Variants in RYR2 observed in about 807,000 individuals in gnomAD.
RYR2 encodes the protein ryanodine receptor 2.
Under a neutral mutation model 601.1 loss-of-function variants are expected in RYR2, and 227 were observed. That is an observed-to-expected ratio of 0.38 (90% CI 0.34 to 0.42). The LOEUF is 0.42. Among genes scored for constraint, RYR2 ranks in the 10% least tolerant of loss-of-function variants. RYR2 has a pLI of 1.00. For missense variants in RYR2, 4,646 were observed against 6,156.5 expected, an observed-to-expected ratio of 0.75 and a Z score of 8.21; for synonymous variants, 2,223 against 2,175.1, an observed-to-expected ratio of 1.02 and a Z score of -0.61.
Position 237,553,215 on chromosome 1 carries a change from G to A in RYR2, c.3214+2524G>A, listed in dbSNP as rs184231874. On this transcript the variant is annotated intron_variant, in intron 27 of 104. Transcript: ENST00000366574. ...TTTATTATTCTAGCTTTTACTTGTA[G>A]GTGTGTGATCTAAAGTGAGTTAGCT... Among the ~76,000 whole-genome samples the A allele has an allele frequency of 3.3e-5, 5 of 152,046 alleles. No individual in the cohort carries two copies. The East Asian group carries it at 5.8e-4, about 18-fold the overall frequency.
chr1:237,333,937 A>G (rs1012437688), intron 3 of RYR2, among the ~76,000 whole-genome samples: 5 of 151,890 alleles, frequency 3.3e-5, no homozygotes, highest in African/African-American at 1.2e-4. Flanking sequence ...CTGATTCCCA[A>G]CTCTTTCATA....
intron 39 of RYR2, among the ~76,000 whole-genome samples, chr1:237,624,240 A>G (rs989041403): frequency 6.6e-6 from 1 of 152,182 alleles, no homozygotes; most frequent in Non-Finnish European, 1.5e-5. Flanking sequence ...AGATGAATGA[A>G]TTCTGGAGAT....
rs192739721 is a variant in RYR2, at chr1:237,667,599, T to C, written c.8515-284T>C. On this transcript the variant is annotated intron_variant, in intron 57 of 104. Transcript: ENST00000366574. ...AAGAACTTGTAAATACAAATAGTTT[T>C]TCTGAAGTCCATAGCTATTTTGGTT... Among the ~76,000 whole-genome samples the C allele has an allele frequency of 1.7e-3, 263 of 152,350 alleles. 4 individuals are homozygous for C. The highest frequency in any genetic ancestry group is 5.5e-3 in the African/African-American group (230 of 41,592).
intron 2 of RYR2, among the ~76,000 whole-genome samples, chr1:237,329,108 C>T (rs1231288534): frequency 1.3e-5 from 2 of 152,114 alleles, no homozygotes; most frequent in African/African-American, 2.4e-5. Context: ...GAAAACATTT[C>T]CATAAACTGA....
At position 237,205,618 on chromosome 1, in the gene RYR2, C is replaced by T. The variant is rs576385869; in HGVS notation, c.49-64879C>T. Among the ~76,000 whole-genome samples, 7 of 152,302 alleles carry T rather than the reference C, an allele frequency of 4.6e-5. No homozygotes were observed. The South Asian group carries it at 1.5e-3, about 32-fold the overall frequency. ...CCAGGCTGGTGGTGGCCTCACATCA[C>T]CTATGCCTGAGGCCAGTCCTGGATT... is the stretch of plus-strand genomic sequence containing the variant. On this transcript the variant is annotated intron_variant, in intron 1 of 104. Transcript: ENST00000366574.
At chr1:237,558,099 G>T (rs1271689404) in intron 27 of RYR2, among the ~76,000 whole-genome samples, 2 of 152,206 alleles carry the variant, frequency 1.3e-5, no homozygotes, top group Non-Finnish European at 2.9e-5. Context: ...CTCTGAGAAG[G>T]TTGAAGGGAA....
chr1:237,758,483 C>T (rs760086901), intron 82 of RYR2, among the ~76,000 whole-genome samples: 2 of 151,938 alleles, frequency 1.3e-5, no homozygotes, highest in Non-Finnish European at 2.9e-5. Context: ...TGTCTATGTG[C>T]GTATATATGT....
At chr1:237,411,025 G>T (rs933843360) in intron 10 of RYR2, among the ~76,000 whole-genome samples, 4 of 152,146 alleles carry the variant, frequency 2.6e-5, no homozygotes, top group African/African-American at 9.7e-5. Flanking sequence ...GAACCTGGAA[G>T]ACATTATGCT....
At chr1:237,808,468 C>T (rs1478557887) in intron 99 of RYR2, among the ~76,000 whole-genome samples, 1 of 151,904 alleles carries the variant, frequency 6.6e-6, no homozygotes, top group African/African-American at 2.4e-5. Flanking sequence ...CGAGACCAGC[C>T]TGACAAACAT....
intron 8 of RYR2, 87 bp downstream of exon 8, chr1:237,377,522 T>C (rs1161747285): frequency 7.1e-6 from 7 of 984,098 alleles, no homozygotes; most frequent in Admixed American, 2.1e-5. Flanking sequence ...ATATTGTAAA[T>C]TATCTATGAA....
intron 3 of RYR2, among the ~76,000 whole-genome samples, chr1:237,350,407 T>C (rs1238917636): frequency 6.6e-6 from 1 of 150,734 alleles, no homozygotes; most frequent in Admixed American, 6.6e-5. Flanking sequence ...CTGTCTCTGC[T>C]AAAAATACAA....
chr1:237,723,098 C>T, intron 73 of RYR2, 30 bp from the exon 74 acceptor site: 2 of 1,584,718 alleles, frequency 1.3e-6, no homozygotes, highest in Non-Finnish European at 8.6e-7. Context: ...TTCCCATCTT[C>T]CCATTGTAAC....
At chr1:237,113,162 T>C (rs1001457165) in intron 1 of RYR2, among the ~76,000 whole-genome samples, 9 of 151,992 alleles carry the variant, frequency 5.9e-5, no homozygotes, top group Non-Finnish European at 1.5e-5. Flanking sequence ...CATAGGATAT[T>C]GTTGGCCTCT....
intron 63 of RYR2, among the ~76,000 whole-genome samples, chr1:237,695,886 T>A (rs936394347): frequency 6.6e-6 from 1 of 152,152 alleles, no homozygotes; most frequent in Non-Finnish European, 1.5e-5. Flanking sequence ...TCTACCAAGA[T>A]GTAAAAATGT....
intron 16 of RYR2, among the ~76,000 whole-genome samples, chr1:237,462,841 C>T (rs894036442): frequency 1.3e-5 from 2 of 152,088 alleles, no homozygotes; most frequent in South Asian, 2.1e-4. Flanking sequence ...CTAGATAGTT[C>T]GATCTTGTTC....
chr1:237,640,773 A>G, intron 46 of RYR2, 124 bp from the exon 47 acceptor site: 1 of 746,392 alleles, frequency 1.3e-6, no homozygotes, highest in Non-Finnish European at 2.3e-6. Flanking sequence ...ATTATAACAT[A>G]TATGAAACAT....
intron 1 of RYR2, among the ~76,000 whole-genome samples, chr1:237,129,828 C>T (rs1455947336): frequency 1.3e-5 from 2 of 151,860 alleles, no homozygotes; most frequent in East Asian, 3.9e-4. Context: ...GAGAAATAAG[C>T]CAAGCATCTG....
At chr1:237,243,352 C>A (rs187385098) in intron 1 of RYR2, among the ~76,000 whole-genome samples, 1 of 152,118 alleles carries the variant, frequency 6.6e-6, no homozygotes, top group Non-Finnish European at 1.5e-5. Flanking sequence ...TTCCCATGAC[C>A]CCCTGTTTGG....
intron 39 of RYR2, among the ~76,000 whole-genome samples, chr1:237,624,203 C>T (rs1258146226): frequency 1.3e-5 from 2 of 152,110 alleles, no homozygotes; most frequent in African/African-American, 4.8e-5. Context: ...TTGGTTTAGT[C>T]AATGGGTACA....
Sources: gnomAD v4.1 joint callset for allele counts (sites outside exome capture counted in the v4.1 genomes callset) on GRCh38, gnomAD v4.1.1 for gene constraint, MANE v1.5 for transcripts, NCBI Gene and HGNC (gene_info 2026-07-23, HGNC 2026-07-21) for gene names.